The following AGBL4 variants were observed in gnomAD, a reference collection of about 807,000 sequenced individuals.
AGBL4 encodes AGBL carboxypeptidase 4, also known as cytosolic carboxypeptidase 6.
Under a neutral mutation model 66.4 loss-of-function variants are expected in AGBL4, and 58 were observed. The ratio of observed to expected loss-of-function variants is 0.87; its 90% CI spans 0.71 to 1.09. The LOEUF is 1.09. Ranked by LOEUF, AGBL4 falls within the 50% of genes least tolerant of loss-of-function variation. AGBL4 has a pLI of 0.00. For synonymous variants in AGBL4, 234 were observed against 222.9 expected, an observed-to-expected ratio of 1.05 and a Z score of -0.44; for missense variants, 579 against 631.0, an observed-to-expected ratio of 0.92 and a Z score of 0.88.
At chr1:49,601,122 C>A (rs574525961) in intron 3 of AGBL4, among the ~76,000 whole-genome samples, 1 of 152,014 alleles carries the variant, frequency 6.6e-6, no homozygotes. Context: ...TTGCTCTTCT[C>A]GAGGAATATC....
intron 3 of AGBL4, among the ~76,000 whole-genome samples, chr1:49,472,685 G>C (rs1235477139): frequency 6.6e-6 from 1 of 151,870 alleles, no homozygotes; most frequent in Non-Finnish European, 1.5e-5. Flanking sequence ...TTTTATTTTA[G>C]ATTCAGGGGT....
chr1:48,886,196 C>T (rs12022122), intron 5 of AGBL4, among the ~76,000 whole-genome samples: 76,520 of 151,960 alleles, frequency 0.5, 22,254 homozygotes, highest in Non-Finnish European at 0.67. Context: ...TTTAAGACAG[C>T]GACCACAGAC....
chr1:50,010,090 G>A (rs1395145203), intron 1 of AGBL4, among the ~76,000 whole-genome samples: 2 of 152,004 alleles, frequency 1.3e-5, no homozygotes, highest in South Asian at 2.1e-4. Context: ...GGTGGATCAC[G>A]AGGTCAGGAG....
At chr1:49,127,431 T>C (rs1031802178) in intron 4 of AGBL4, among the ~76,000 whole-genome samples, 2 of 152,054 alleles carry the variant, frequency 1.3e-5, no homozygotes, top group Admixed American at 6.6e-5. Flanking sequence ...CAAAAACGTA[T>C]GAAAATTTAA....
intron 2 of AGBL4, among the ~76,000 whole-genome samples, chr1:49,793,815 TCTAA>T (rs757835695): frequency 6.4e-4 from 97 of 151,966 alleles, no homozygotes; most frequent in Non-Finnish European, 1.1e-3. Context: ...TCTGAGGAAA[TCTAA>T]CTCTTAGGAT....
At chr1:50,010,496 A>AC (rs58330549) in intron 1 of AGBL4, among the ~76,000 whole-genome samples, 2 of 150,398 alleles carry the variant, frequency 1.3e-5, no homozygotes. Flanking sequence ...ACACACACAC[A>AC]ACAGAGCCAA....
At position 48,827,255 on chromosome 1, in the gene AGBL4, A is replaced by G. The variant is rs556666492; in HGVS notation, c.634+39936T>C. Among the ~76,000 whole-genome samples, 18 of 152,344 alleles carry G rather than the reference A, an allele frequency of 1.2e-4. No individual in the cohort carries two copies. The South Asian group carries it at 1.7e-3, about 14-fold the overall frequency. On this transcript the variant is annotated intron_variant, in intron 6 of 13. Coordinates refer to ENST00000371839, the MANE Select transcript of AGBL4 (RefSeq NM_032785.4). ...TCTCTGCATCTTTACTGACTAGAGC[A>G]GGTCTCGATATAGCCAAGGTGCTTA...
At chr1:49,911,734 G>A (rs1042478386) in intron 1 of AGBL4, among the ~76,000 whole-genome samples, 11 of 152,288 alleles carry the variant, frequency 7.2e-5, no homozygotes, top group Admixed American at 6.5e-4. Flanking sequence ...AGTCCCCTAA[G>A]AGGCTTGGCT....
chr1:48,758,442 A>G (rs1183912132), intron 6 of AGBL4, among the ~76,000 whole-genome samples: 1 of 152,188 alleles, frequency 6.6e-6, no homozygotes, highest in Non-Finnish European at 1.5e-5. Context: ...TCAGTTACAA[A>G]TAACCTCTCC....
intron 3 of AGBL4, among the ~76,000 whole-genome samples, chr1:49,391,930 T>C (rs1404865117): frequency 1.3e-5 from 2 of 151,894 alleles, no homozygotes; most frequent in African/African-American, 4.8e-5. Flanking sequence ...ACAAGCAGAA[T>C]ATGAAGGAAA....
At chr1:49,197,877 C>T (rs1440381581) in intron 4 of AGBL4, among the ~76,000 whole-genome samples, 1 of 152,174 alleles carries the variant, frequency 6.6e-6, no homozygotes, top group Non-Finnish European at 1.5e-5. Flanking sequence ...AGCCCCTCCC[C>T]CATTCAAGAC....
intron 6 of AGBL4, among the ~76,000 whole-genome samples, chr1:48,710,077 C>G (rs1431058391): frequency 6.6e-6 from 1 of 152,184 alleles, no homozygotes; most frequent in Non-Finnish European, 1.5e-5. Context: ...AGACAGCATT[C>G]AAGTCTCCAA....
chr1:48,700,849 T>C (rs915322934), intron 6 of AGBL4, among the ~76,000 whole-genome samples: 1 of 152,218 alleles, frequency 6.6e-6, no homozygotes, highest in Admixed American at 6.5e-5. Flanking sequence ...ATACTGTCCA[T>C]GGCAGGTCTT....
intron 1 of AGBL4, among the ~76,000 whole-genome samples, chr1:49,939,063 C>A (rs1271597284): frequency 1.3e-5 from 2 of 152,016 alleles, no homozygotes; most frequent in African/African-American, 2.4e-5. Context: ...CAATAACCGA[C>A]AAACAGAGAG....
At chr1:49,473,159 G>A (rs188895177) in intron 3 of AGBL4, among the ~76,000 whole-genome samples, 4 of 151,938 alleles carry the variant, frequency 2.6e-5, no homozygotes. Context: ...TTTCCTTTGG[G>A]TATATACCCA....
chr1:49,442,367 A>G (rs1270764318), intron 3 of AGBL4, among the ~76,000 whole-genome samples: 1 of 152,234 alleles, frequency 6.6e-6, no homozygotes, highest in Non-Finnish European at 1.5e-5. Flanking sequence ...GCCCTGTGCA[A>G]AAACATATAG....
At chr1:49,050,322 A>T (rs978439780) in intron 4 of AGBL4, among the ~76,000 whole-genome samples, 1 of 151,760 alleles carries the variant, frequency 6.6e-6, no homozygotes, top group Non-Finnish European at 1.5e-5. Flanking sequence ...TCACGAACAT[A>T]CTCTATTATA....
chr1:49,159,976 A>C (rs566067429), intron 4 of AGBL4, among the ~76,000 whole-genome samples: 1 of 152,192 alleles, frequency 6.6e-6, no homozygotes, highest in Admixed American at 6.5e-5. Context: ...ACCTCTTTTC[A>C]AGCTTCTTAG....
At chr1:49,933,701 T>C (rs1320934860) in intron 1 of AGBL4, among the ~76,000 whole-genome samples, 1 of 152,048 alleles carries the variant, frequency 6.6e-6, no homozygotes, top group Non-Finnish European at 1.5e-5. Context: ...TAAGTTGTTA[T>C]CAGCTAAAAA....
Sources: allele counts gnomAD v4.1 joint callset (sites outside exome capture counted in the v4.1 genomes callset), GRCh38; gene constraint gnomAD v4.1.1; transcripts MANE v1.5; gene names NCBI Gene and HGNC (gene_info 2026-07-23, HGNC 2026-07-21).